The following EVI5 variants were observed in gnomAD, a reference collection of about 807,000 sequenced individuals.
The protein encoded by EVI5 is ecotropic viral integration site 5, also known as ecotropic viral integration site 5 protein homolog.
Under a neutral mutation model 112.0 loss-of-function variants are expected in EVI5, and 73 were observed. The observed-to-expected ratio is 0.65, with a 90% confidence interval of 0.54 to 0.79. The LOEUF (loss-of-function observed/expected upper bound fraction) is 0.79. EVI5 is among the 30% of genes least tolerant of loss of function. EVI5 has a pLI of 0.00. For synonymous variants in EVI5, 305 were observed against 319.9 expected (o/e 0.95, Z 0.50); for missense variants, 900 against 968.8 (o/e 0.93, Z 0.94).
chr1:92,697,795 G>A (rs1570422784), intron 6 of EVI5, 65 bp downstream of exon 6: 1 of 1,314,024 alleles, frequency 7.6e-7, no homozygotes, highest in South Asian at 1.3e-5. Context: ...TGCTTAGTTG[G>A]CACTCAGAAC....
At chr1:92,577,057 C>T (rs7553367) in intron 18 of EVI5, among the ~76,000 whole-genome samples, 140,281 of 152,276 alleles carry the variant, frequency 0.92, 64,706 homozygotes, top group East Asian at 0.97. Context: ...TCAGAATATA[C>T]TGAGAAAATG....
Position 92,606,138 on chromosome 1 carries a change from C to T in EVI5, c.1975-736G>A, listed in dbSNP as rs967938203. Among the ~76,000 whole-genome samples the T allele has an allele frequency of 5.3e-5, 8 of 152,110 alleles. No homozygotes were observed. In the East Asian group the frequency reaches 5.8e-4, roughly 11 times the overall value. On this transcript the variant is annotated intron_variant, in intron 17 of 19. Coordinates refer to ENST00000684568, the MANE Select transcript of EVI5 (RefSeq NM_001350197.2). ...CATACTTCACAGAGGTATTAATGAA[C>T]AATTAAAAATTAAATAAAATCCCAT... is the stretch of plus-strand genomic sequence containing the variant.
exon 1 of EVI5, chr1:92,792,365 A>G: frequency 6.2e-7 from 1 of 1,610,294 alleles, no homozygotes; most frequent in Non-Finnish European, 8.5e-7. Flanking sequence ...TAGGGTTTCT[A>G]AAGGCAGCAG....
rs557010235 is a variant in EVI5 at position 92,600,581 on chromosome 1, A to T, written c.2070+4726T>A. ...GTGACAGATTTCGTAGTCCATAGAG[A>T]GGGTGGGAGAATGGTTTCAGGATGA... On this transcript the variant is annotated intron_variant, in intron 18 of 19. Coordinates refer to ENST00000684568, the MANE Select transcript of EVI5 (RefSeq NM_001350197.2). Among the ~76,000 whole-genome samples, 140 of 152,224 alleles carry T rather than the reference A, an allele frequency of 9.2e-4. 1 individual carries two copies. Among genetic ancestry groups the T allele is most frequent in the South Asian group, 3.3e-3 (16 of 4,826 alleles).
intron 13 of EVI5, among the ~76,000 whole-genome samples, chr1:92,656,278 C>T (rs1662979175): frequency 6.6e-6 from 1 of 152,014 alleles, no homozygotes; most frequent in South Asian, 2.1e-4. Flanking sequence ...TAAAAATTCA[C>T]CTGCTCCCAA....
intron 19 of EVI5, among the ~76,000 whole-genome samples, chr1:92,533,145 A>G (rs954909990): frequency 6.6e-6 from 1 of 152,202 alleles, no homozygotes; most frequent in Non-Finnish European, 1.5e-5. Context: ...AACTATCATC[A>G]GAGAATGCCA....
At chr1:92,737,988 G>A (rs1364900957) in intron 1 of EVI5, among the ~76,000 whole-genome samples, 1 of 152,120 alleles carries the variant, frequency 6.6e-6, no homozygotes, top group African/African-American at 2.4e-5. Flanking sequence ...TCAGTGGGCT[G>A]TTACCGTTGA....
chr1:92,589,631 G>A (rs1316091826), intron 18 of EVI5, among the ~76,000 whole-genome samples: 2 of 152,194 alleles, frequency 1.3e-5, no homozygotes, highest in East Asian at 1.9e-4. Flanking sequence ...CTCCAACTGG[G>A]TGGAGCCCAC....
intron 16 of EVI5, among the ~76,000 whole-genome samples, chr1:92,608,742 C>T (rs928243219): frequency 1.3e-5 from 2 of 151,196 alleles, no homozygotes; most frequent in African/African-American, 4.9e-5. Context: ...GGTACCATCA[C>T]TATTTATTGG....
At chr1:92,722,397 G>T (rs1335542378) in intron 2 of EVI5, among the ~76,000 whole-genome samples, 1 of 151,760 alleles carries the variant, frequency 6.6e-6, no homozygotes, top group Non-Finnish European at 1.5e-5. Context: ...CATGAGCCAT[G>T]TTGGTGTGCT....
At chr1:92,656,047 C>A (rs1260145088) in intron 13 of EVI5, among the ~76,000 whole-genome samples, 1 of 152,116 alleles carries the variant, frequency 6.6e-6, no homozygotes, top group Non-Finnish European at 1.5e-5. Flanking sequence ...ATAAATTGGA[C>A]TCTAATAGAC....
chr1:92,613,631 G>A (rs1002145401), intron 16 of EVI5, among the ~76,000 whole-genome samples: 1 of 151,882 alleles, frequency 6.6e-6, no homozygotes, highest in African/African-American at 2.4e-5. Context: ...TTACTTTGTG[G>A]CTTAGGCTGG....
At chr1:92,743,285 G>A (rs185911637) in intron 1 of EVI5, among the ~76,000 whole-genome samples, 2,336 of 152,224 alleles carry the variant, frequency 0.015, 34 homozygotes, top group Non-Finnish European at 0.02. Flanking sequence ...CCCAGGAGGC[G>A]GAGGTTGCAG....
chr1:92,549,418 C>T (rs7411478), intron 19 of EVI5, among the ~76,000 whole-genome samples: 127,477 of 151,118 alleles, frequency 0.84, 54,065 homozygotes, highest in East Asian at 0.97. Context: ...TAGGCAATAC[C>T]ATTCAGGACA....
At chr1:92,588,808 A>T (rs1451871614) in intron 18 of EVI5, among the ~76,000 whole-genome samples, 1 of 152,270 alleles carries the variant, frequency 6.6e-6, no homozygotes, top group East Asian at 1.9e-4. Flanking sequence ...TGGGTTTTAA[A>T]ATTAGAATAA....
At chr1:92,542,324 T>C (rs534917766) in intron 19 of EVI5, among the ~76,000 whole-genome samples, 4 of 152,268 alleles carry the variant, frequency 2.6e-5, no homozygotes, top group South Asian at 4.1e-4. Context: ...AGTTTGATCA[T>C]GAGATTGCAG....
At chr1:92,747,175 T>TA (rs1679388406) in intron 1 of EVI5, among the ~76,000 whole-genome samples, 1 of 152,142 alleles carries the variant, frequency 6.6e-6, no homozygotes, top group Non-Finnish European at 1.5e-5. Context: ...TAACAACTAC[T>TA]TACACAGCAT....
intron 1 of EVI5, among the ~76,000 whole-genome samples, chr1:92,749,953 C>A (rs1240720737): frequency 6.6e-6 from 1 of 152,122 alleles, no homozygotes; most frequent in Non-Finnish European, 1.5e-5. Flanking sequence ...AATAAGCTCA[C>A]CACTCAAAAA....
chr1:92,657,684 T>C (rs551381162), intron 13 of EVI5, among the ~76,000 whole-genome samples: 2 of 151,686 alleles, frequency 1.3e-5, no homozygotes, highest in South Asian at 4.2e-4. Flanking sequence ...AAAAAAAAAC[T>C]AAAAAACCTA....
Sources: gnomAD v4.1 joint callset for allele counts (sites outside exome capture counted in the v4.1 genomes callset) on GRCh38, gnomAD v4.1.1 for gene constraint, MANE v1.5 for transcripts, NCBI Gene and HGNC (gene_info 2026-07-23, HGNC 2026-07-21) for gene names.